SPECC1: variants seen among roughly 807,000 people sequenced by gnomAD.
SPECC1 encodes sperm antigen with calponin homology and coiled-coil domains 1.
Under a neutral mutation model 104.1 loss-of-function variants are expected in SPECC1, and 62 were observed. That is an observed-to-expected ratio of 0.60 (90% confidence interval 0.49 to 0.74). The LOEUF is 0.74. Ranked by LOEUF, SPECC1 falls within the 30% of genes least tolerant of loss-of-function variation. The probability of loss-of-function intolerance (pLI) is 0.00; values close to 1 mark genes in which losing one functional copy is unlikely to be tolerated. For synonymous variants in SPECC1, 513 were observed against 501.6 expected, an observed-to-expected ratio of 1.02 and a Z score of -0.30; for missense variants, 1,306 against 1,310.5, an observed-to-expected ratio of 1.00 and a Z score of 0.05.
At chr17:20,309,234 C>T (rs1440747079) in intron 14 of SPECC1, among the ~76,000 whole-genome samples, 4 of 152,294 alleles carry the variant, frequency 2.6e-5, no homozygotes, top group Admixed American at 6.5e-5. Flanking sequence ...TTGAATTACA[C>T]ATGACACTTT....
intron 4 of SPECC1, 110 bp downstream of exon 4, chr17:20,206,022 C>T (rs1488434452): frequency 1.4e-6 from 2 of 1,426,988 alleles, no homozygotes; most frequent in African/African-American, 2.9e-5. Flanking sequence ...CTGTTTCATT[C>T]ACGAAGCCAG....
At chr17:20,304,466 TCAGAGAA>T (rs2041696563) in intron 13 of SPECC1, among the ~76,000 whole-genome samples, 1 of 152,058 alleles carries the variant, frequency 6.6e-6, no homozygotes, top group Non-Finnish European at 1.5e-5. Context: ...TGAACAAACA[TCAGAGAA>T]TAGCCAGGAA....
chr17:20,134,648 A>G (rs775753486), intron 3 of SPECC1, among the ~76,000 whole-genome samples: 14 of 152,080 alleles, frequency 9.2e-5, no homozygotes, highest in Non-Finnish European at 1.5e-4. Context: ...ACAGGGTCTC[A>G]CTATGTTGCC....
intron 4 of SPECC1, among the ~76,000 whole-genome samples, chr17:20,219,171 G>A (rs2037701837): frequency 6.6e-6 from 1 of 152,178 alleles, no homozygotes; most frequent in African/African-American, 2.4e-5. Context: ...ATACCCAGCA[G>A]TGTGATTGCT....
At chr17:20,283,937 A>C (rs1375621388) in intron 12 of SPECC1, among the ~76,000 whole-genome samples, 1 of 152,122 alleles carries the variant, frequency 6.6e-6, no homozygotes, top group Admixed American at 6.6e-5. Flanking sequence ...GTCGTTTGCT[A>C]TACATATATT....
At chr17:20,105,742 C>A (rs929167084) in intron 2 of SPECC1, among the ~76,000 whole-genome samples, 3 of 152,204 alleles carry the variant, frequency 2.0e-5, no homozygotes, top group African/African-American at 7.2e-5. Context: ...GGCAAAACTC[C>A]CACTGCTTGC....
chr17:20,310,933 T>C (rs1362006458), intron 14 of SPECC1, among the ~76,000 whole-genome samples: 1 of 152,080 alleles, frequency 6.6e-6, no homozygotes, highest in Non-Finnish European at 1.5e-5. Context: ...CTCATGGAGG[T>C]CCTGCAAGGT....
chr17:20,129,725 T>TTTG (rs143256718), intron 3 of SPECC1, among the ~76,000 whole-genome samples: 51 of 151,278 alleles, frequency 3.4e-4, no homozygotes, highest in South Asian at 1.9e-3. Flanking sequence ...TAGAGCCAGT[T>TTTG]TTGTTGTTGT....
rs528962744 is a variant in SPECC1, at chr17:20,266,716, G to A, written c.2940+6422G>A. Among the ~76,000 whole-genome samples the A allele has an allele frequency of 2.2e-4, 33 of 152,276 alleles. No homozygotes were observed. The East Asian group carries it at 2.3e-3, about 11-fold the overall frequency. On this transcript the variant is annotated intron_variant, in intron 12 of 14. Coordinates refer to ENST00000395527, the MANE Select transcript of SPECC1 (RefSeq NM_001243439.2). ...CTGAAATAAAAGGTAACATATGTAC[G>A]GTATTTGAAGGTTGTATTGCCGTGG...
At chr17:20,281,592 C>G (rs2040774021) in intron 12 of SPECC1, among the ~76,000 whole-genome samples, 1 of 152,184 alleles carries the variant, frequency 6.6e-6, no homozygotes, top group Admixed American at 6.5e-5. Context: ...GGAGATTTCT[C>G]CAACATTTCC....
At chr17:20,222,788 C>A (rs1342524760) in intron 4 of SPECC1, among the ~76,000 whole-genome samples, 1 of 152,056 alleles carries the variant, frequency 6.6e-6, no homozygotes, top group Non-Finnish European at 1.5e-5. Flanking sequence ...ATTTGCATTT[C>A]TTGTCTGCTG....
At chr17:20,229,716 G>A (rs575788916) in intron 5 of SPECC1, among the ~76,000 whole-genome samples, 72 of 152,204 alleles carry the variant, frequency 4.7e-4, no homozygotes, top group African/African-American at 1.7e-3. Flanking sequence ...AGCCCAATAC[G>A]GTGCATCAGA....
At chr17:20,150,416 G>A (rs2031896518) in intron 3 of SPECC1, among the ~76,000 whole-genome samples, 1 of 151,662 alleles carries the variant, frequency 6.6e-6, no homozygotes, top group Non-Finnish European at 1.5e-5. Context: ...GAGGCGGGCA[G>A]ATCACCTGAG....
chr17:20,111,973 T>C, intron 3 of SPECC1: 1 of 790,532 alleles, frequency 1.3e-6, no homozygotes, highest in Non-Finnish European at 2.3e-6. Context: ...GTGGACTGAT[T>C]GATGATATTG....
chr17:20,141,744 CTG>C (rs1433180713), intron 3 of SPECC1, among the ~76,000 whole-genome samples: 2 of 152,182 alleles, frequency 1.3e-5, no homozygotes, highest in Non-Finnish European at 2.9e-5. Context: ...AACCACTAAT[CTG>C]TTTTTTATCC....
chr17:20,270,350 A>ACTTTGAGG (rs2040359700), intron 12 of SPECC1, among the ~76,000 whole-genome samples: 2 of 147,154 alleles, frequency 1.4e-5, no homozygotes, highest in African/African-American at 5.0e-5. Flanking sequence ...TAATCCAGAC[A>ACTTTGAGG]CTTTGAGGGG....
At chr17:20,261,191 A>G (rs1183717816) in intron 12 of SPECC1, among the ~76,000 whole-genome samples, 1 of 152,090 alleles carries the variant, frequency 6.6e-6, no homozygotes, top group Non-Finnish European at 1.5e-5. Context: ...AGCTGAAGCC[A>G]AGTCCTGTCC....
intron 7 of SPECC1, among the ~76,000 whole-genome samples, chr17:20,241,332 C>T (rs2039191268): frequency 6.6e-6 from 1 of 152,180 alleles, no homozygotes. Flanking sequence ...CACTACTGCC[C>T]TTTATGCCTA....
chr17:20,111,384 G>A (rs2048483380), intron 3 of SPECC1, among the ~76,000 whole-genome samples: 1 of 152,188 alleles, frequency 6.6e-6, no homozygotes, highest in African/African-American at 2.4e-5. Flanking sequence ...TTAAAAAGTT[G>A]AATCTGTGAA....
Sources: gnomAD v4.1 joint callset for allele counts (sites outside exome capture counted in the v4.1 genomes callset) on GRCh38, gnomAD v4.1.1 for gene constraint, MANE v1.5 for transcripts, NCBI Gene and HGNC (gene_info 2026-07-23, HGNC 2026-07-21) for gene names.